ESCO1: variants seen among roughly 807,000 people sequenced by gnomAD.
The protein encoded by ESCO1 is N-acetyltransferase ESCO1.
In ESCO1, 33 loss-of-function variants were observed where a neutral mutation model predicts 83.5. The ratio of observed to expected loss-of-function variants is 0.40; its 90% CI spans 0.30 to 0.53. ESCO1 has a LOEUF of 0.53. Ranked by LOEUF, ESCO1 falls within the 20% of genes least tolerant of loss-of-function variation. The pLI, the probability that ESCO1 is intolerant of heterozygous loss-of-function variation, is 0.63. For synonymous variants in ESCO1, 332 were observed against 324.3 expected (o/e 1.02, Z -0.25); for missense variants, 855 against 968.0 (o/e 0.88, Z 1.55).
In ESCO1 at chr18:21,583,616, GCTGGGCAA is replaced by G. The variant is rs528710419; in HGVS notation, c.-694+686_-694+693del. Among the ~76,000 whole-genome samples the G allele has an allele frequency of 1.1e-4, 17 of 151,834 alleles. No homozygotes were observed. The East Asian group carries it at 3.1e-3, about 28-fold the overall frequency. On this transcript the variant is annotated intron_variant, in intron 2 of 11. Coordinates refer to ENST00000269214, the MANE Select transcript of ESCO1 (RefSeq NM_052911.3). ...CCGAGATCATGCCACTGCACTCCAGGCTGGGCAACAGAGTGAGAGACTGTCTCAAAAAA... is the reference window on the plus strand; with the variant it reads ...CCGAGATCATGCCACTGCACTCCAGGCAGAGTGAGAGACTGTCTCAAAAAA...
At chr18:21,555,682 G>T (rs1438829434) in intron 8 of ESCO1, among the ~76,000 whole-genome samples, 1 of 152,080 alleles carries the variant, frequency 6.6e-6, no homozygotes, top group African/African-American at 2.4e-5. Context: ...CTCGCCTGTA[G>T]TGGCAGCTGC....
chr18:21,587,913 AAAC>A (rs895542411), intron 1 of ESCO1, among the ~76,000 whole-genome samples: 2 of 152,022 alleles, frequency 1.3e-5, no homozygotes, highest in Non-Finnish European at 2.9e-5. Flanking sequence ...AAAAACAAAC[AAAC>A]AACAACAAAA....
intron 2 of ESCO1, among the ~76,000 whole-genome samples, chr18:21,578,163 T>C (rs2146215571): frequency 6.6e-6 from 1 of 151,718 alleles, no homozygotes; most frequent in East Asian, 1.9e-4. Flanking sequence ...TCACCACAAA[T>C]ACAAGAAAAG....
intron 1 of ESCO1, among the ~76,000 whole-genome samples, chr18:21,595,824 C>A (rs1420834797): frequency 6.6e-6 from 1 of 151,060 alleles, no homozygotes; most frequent in African/African-American, 2.4e-5. Context: ...ATTAGCCGGG[C>A]ATGGTGGCGG....
intron 9 of ESCO1, 58 bp from the exon 10 acceptor site, chr18:21,536,243 CA>C: frequency 2.6e-6 from 4 of 1,533,326 alleles, no homozygotes; most frequent in Non-Finnish European, 3.5e-6. Context: ...CATGTAAAAA[CA>C]CACTATTTCA....
At chr18:21,588,052 G>A (rs547530087) in intron 1 of ESCO1, among the ~76,000 whole-genome samples, 3 of 144,888 alleles carry the variant, frequency 2.1e-5, no homozygotes, top group South Asian at 2.2e-4. Flanking sequence ...TCCTGCCTAC[G>A]AACAGCCACT....
chr18:21,571,561 T>G (rs927957420), intron 4 of ESCO1, among the ~76,000 whole-genome samples: 2 of 152,158 alleles, frequency 1.3e-5, no homozygotes. Context: ...GTAAAAGCAA[T>G]GTTATCAAAG....
chr18:21,582,249 G>A (rs2038513171), intron 2 of ESCO1, among the ~76,000 whole-genome samples: 1 of 147,212 alleles, frequency 6.8e-6, no homozygotes, highest in African/African-American at 2.5e-5. Context: ...TTTTTTTTGA[G>A]ATGGAGTTTC....
intron 8 of ESCO1, among the ~76,000 whole-genome samples, chr18:21,560,521 TAG>T (rs1302012510): frequency 6.6e-6 from 1 of 152,070 alleles, no homozygotes; most frequent in Non-Finnish European, 1.5e-5. Context: ...AAATATTAAA[TAG>T]ATTTATCAAT....
At chr18:21,589,897 G>A (rs991188115) in intron 1 of ESCO1, among the ~76,000 whole-genome samples, 3 of 149,368 alleles carry the variant, frequency 2.0e-5, no homozygotes, top group African/African-American at 5.0e-5. Flanking sequence ...GTGCCATCTC[G>A]GCTCACTGCA....
intron 8 of ESCO1, among the ~76,000 whole-genome samples, chr18:21,559,788 G>A (rs2038159479): frequency 6.6e-6 from 1 of 152,232 alleles, no homozygotes; most frequent in Admixed American, 6.5e-5. Flanking sequence ...CTATGTCCAC[G>A]CACCTTATAT....
At chr18:21,541,039 T>C (rs2037898946) in intron 8 of ESCO1, among the ~76,000 whole-genome samples, 1 of 152,070 alleles carries the variant, frequency 6.6e-6, no homozygotes, top group Admixed American at 6.6e-5. Flanking sequence ...CAGGAATTTT[T>C]TGGAGGGGGA....
chr18:21,595,468 G>A (rs1030323683), intron 1 of ESCO1, among the ~76,000 whole-genome samples: 1 of 151,036 alleles, frequency 6.6e-6, no homozygotes, highest in Admixed American at 6.6e-5. Flanking sequence ...AGGAGGTCGA[G>A]ACCATCCTGG....
At position 21,574,227 on chromosome 18, in the gene ESCO1, C is replaced by A. The variant is rs754822045; in HGVS notation, c.617G>T (p.Arg206Leu). 10 of 1,613,744 alleles carry A rather than the reference C, an allele frequency of 6.2e-6. No individual in the cohort carries two copies. The East Asian group carries it at 8.9e-5, about 14-fold the overall frequency. ...EVINSPKGKKRKVEHQTACAC... is the reference protein window; with the variant it reads ...EVINSPKGKKLKVEHQTACAC... ...ACAAGCTGTCTGATGTTCTACCTTG[C>A]GTTTTTTCCCTTTGGGAGAATTTAT... is the stretch of plus-strand genomic sequence containing the variant. The change falls in exon 4 of 12, where the codon CGC (arginine) becomes CTC (leucine). Residue 206 changes from arginine (R) to leucine (L), a missense_variant. This residue lies in a region of ESCO1 where 726 missense variants were observed against 699.5 expected (regional missense o/e 1.04). Coordinates refer to ENST00000269214, the MANE Select transcript of ESCO1 (RefSeq NM_052911.3).
chr18:21,530,509 G>T lies in ESCO1; in HGVS notation c.2376-19C>A, dbSNP rs768558611. 9 of 1,435,960 alleles carry T rather than the reference G, an allele frequency of 6.3e-6. No homozygotes were observed. The highest frequency in any genetic ancestry group is 2.6e-5 in the South Asian group (2 of 76,602). The allele number at this position is 1,435,960 out of a possible 1,614,324, so 89.0% of individuals were successfully genotyped here. A position where few individuals can be genotyped will look rare whatever the true frequency, so the allele number is the denominator to read the frequency against. On this transcript the variant is annotated intron_variant, in intron 11 of 11. Coordinates refer to ENST00000269214, the MANE Select transcript of ESCO1 (RefSeq NM_052911.3). Reference sequence around the variant, plus strand: ...GTTACTCCTATTAAAAAAAAATGGGGGGGGGGAAGGGTTAAGTGTGAAATG... The same window carrying T: ...GTTACTCCTATTAAAAAAAAATGGGTGGGGGGAAGGGTTAAGTGTGAAATG...
chr18:21,557,857 G>T (rs892747444), intron 8 of ESCO1, among the ~76,000 whole-genome samples: 2 of 152,194 alleles, frequency 1.3e-5, no homozygotes, highest in Non-Finnish European at 2.9e-5. Flanking sequence ...CATCTTTAGG[G>T]AACAGTACCT....
chr18:21,575,884 CCATTAGT>C (rs45502400), intron 2 of ESCO1, 107 bp from the exon 3 acceptor site: 78,619 of 393,452 alleles, frequency 0.2, 9,403 homozygotes, highest in East Asian at 0.42. Context: ...TCCTGTCCTA[CCATTAGT>C]CATTATTTCC....
chr18:21,545,577 A>G (rs536010148), intron 8 of ESCO1, among the ~76,000 whole-genome samples: 29 of 151,940 alleles, frequency 1.9e-4, no homozygotes, highest in Non-Finnish European at 3.5e-4. Flanking sequence ...CGTCTCAAAA[A>G]AAAAAAAAAA....
At chr18:21,579,799 C>CGTGT (rs2038474472) in intron 2 of ESCO1, among the ~76,000 whole-genome samples, 2 of 14,992 alleles carry the variant, frequency 1.3e-4, no homozygotes, top group African/African-American at 2.4e-4. Context: ...CGCGCGCACA[C>CGTGT]ACACACACAC....
Sources: allele counts gnomAD v4.1 joint callset (sites outside exome capture counted in the v4.1 genomes callset), GRCh38; gene constraint gnomAD v4.1.1; regional missense constraint gnomAD v4.1.1; transcripts MANE v1.5; gene names NCBI Gene and HGNC (gene_info 2026-07-23, HGNC 2026-07-21).